Variants in CDIN1 observed in about 807,000 individuals in gnomAD.
CDIN1 encodes the protein CDAN1-interacting nuclease 1.
CDIN1 carries 33 observed loss-of-function variants against 45.3 expected under a neutral mutation model. The observed-to-expected ratio is 0.73, with a 90% CI of 0.55 to 0.97. The LOEUF (loss-of-function observed/expected upper bound fraction) is 0.97. Among genes scored for constraint, CDIN1 ranks in the 50% least tolerant of loss-of-function variants. CDIN1 has a pLI of 0.00. For missense variants in CDIN1, 303 were observed against 339.4 expected (o/e 0.89, Z 0.84); for synonymous variants, 118 against 124.4 (o/e 0.95, Z 0.34).
chr15:36,621,713 A>G (rs574884035), intron 1 of CDIN1, among the ~76,000 whole-genome samples: 1 of 152,342 alleles, frequency 6.6e-6, no homozygotes, highest in Admixed American at 6.5e-5. Context: ...TCAGAGAATA[A>G]ACATTCTGTA....
At chr15:36,584,075 T>C (rs2140158398) in intron 1 of CDIN1, among the ~76,000 whole-genome samples, 1 of 152,208 alleles carries the variant, frequency 6.6e-6, no homozygotes, top group East Asian at 1.9e-4. Context: ...AACATTGAAA[T>C]TAATGTGAGC....
At chr15:36,769,623 A>G (rs534423302) in intron 10 of CDIN1, among the ~76,000 whole-genome samples, 2 of 152,330 alleles carry the variant, frequency 1.3e-5, no homozygotes, top group Admixed American at 1.3e-4. Context: ...AAGTTAATGC[A>G]TAAAATTTAA....
At chr15:36,619,508 TATCTATCTATCC>T (rs1448137911) in intron 1 of CDIN1, among the ~76,000 whole-genome samples, 56 of 151,702 alleles carry the variant, frequency 3.7e-4, no homozygotes, top group Admixed American at 3.0e-3. Context: ...TCTATCTATC[TATCTATCTATCC>T]ATCCATCCAC....
chr15:36,751,851 C>T (rs1237956290), intron 10 of CDIN1, among the ~76,000 whole-genome samples: 1 of 152,112 alleles, frequency 6.6e-6, no homozygotes, highest in Admixed American at 6.6e-5. Context: ...TTCGCAGGGT[C>T]ATGGATGGAG....
intron 10 of CDIN1, chr15:36,746,816 A>C (rs549138464): frequency 4.5e-4 from 118 of 260,048 alleles, no homozygotes; most frequent in African/African-American, 3.2e-3. Flanking sequence ...ACTATGGCTC[A>C]CTGCAGCATT....
At chr15:36,649,705 A>G (rs1374557183) in intron 3 of CDIN1, among the ~76,000 whole-genome samples, 3 of 152,178 alleles carry the variant, frequency 2.0e-5, no homozygotes, top group Non-Finnish European at 4.4e-5. Flanking sequence ...ACTAGTAAAG[A>G]TGATAAGTTT....
intron 1 of CDIN1, among the ~76,000 whole-genome samples, chr15:36,590,365 G>A (rs999816614): frequency 1.2e-4 from 19 of 152,152 alleles, no homozygotes; most frequent in Admixed American, 6.5e-4. Context: ...TATACTTAAA[G>A]CAATAACTTC....
intron 1 of CDIN1, among the ~76,000 whole-genome samples, chr15:36,596,669 G>A (rs1313598695): frequency 6.6e-6 from 1 of 152,008 alleles, no homozygotes; most frequent in Non-Finnish European, 1.5e-5. Flanking sequence ...CAGGCAAAGT[G>A]TGTAGATTCA....
intron 8 of CDIN1, among the ~76,000 whole-genome samples, chr15:36,703,327 T>A (rs2042723851): frequency 8.0e-6 from 1 of 124,528 alleles, no homozygotes; most frequent in South Asian, 2.5e-4. Context: ...TATACATATA[T>A]CAGATAGATC....
chr15:36,609,455 CAACTT>C (rs1484208669), intron 1 of CDIN1, among the ~76,000 whole-genome samples: 1 of 152,068 alleles, frequency 6.6e-6, no homozygotes, highest in African/African-American at 2.4e-5. Context: ...AGGGATCTAT[CAACTT>C]AAAATGAAAA....
At chr15:36,708,412 G>T (rs962805977) in intron 8 of CDIN1, 6 of 150,476 alleles carry the variant, frequency 4.0e-5, no homozygotes, top group Admixed American at 1.3e-4. Flanking sequence ...AAATCACATT[G>T]TACTGCCATT....
At chr15:36,648,128 C>T (rs932159132) in intron 3 of CDIN1, among the ~76,000 whole-genome samples, 45 of 152,112 alleles carry the variant, frequency 3.0e-4, no homozygotes, top group African/African-American at 7.5e-4. Flanking sequence ...CGTGAGCCAC[C>T]GTGCCCGGCT....
chr15:36,583,919 G>T (rs928027590), intron 1 of CDIN1, among the ~76,000 whole-genome samples: 1 of 152,148 alleles, frequency 6.6e-6, no homozygotes, highest in Non-Finnish European at 1.5e-5. Flanking sequence ...AGGAGACTGA[G>T]GCAGGAGAAT....
intron 1 of CDIN1, chr15:36,618,571 A>T: frequency 1.1e-6 from 1 of 901,700 alleles, no homozygotes; most frequent in South Asian, 1.3e-5. Flanking sequence ...AATCCCAGAT[A>T]AACTCATTTT....
At chr15:36,596,512 G>A (rs1027566100) in intron 1 of CDIN1, among the ~76,000 whole-genome samples, 8 of 152,084 alleles carry the variant, frequency 5.3e-5, no homozygotes, top group African/African-American at 1.9e-4. Flanking sequence ...ATTAATTAAG[G>A]TAGTAATTTT....
intron 1 of CDIN1, among the ~76,000 whole-genome samples, chr15:36,644,028 T>TA (rs1314293107): frequency 2.0e-5 from 3 of 152,210 alleles, no homozygotes; most frequent in African/African-American, 4.8e-5. Flanking sequence ...TTCTAAAGTT[T>TA]AAAAAAATCA....
chr15:36,606,024 GT>G (rs567452710), intron 1 of CDIN1, among the ~76,000 whole-genome samples: 14 of 148,304 alleles, frequency 9.4e-5, no homozygotes, highest in East Asian at 7.9e-4. Context: ...AGGACAAGGA[GT>G]TTTTTTTTTG....
At chr15:36,617,819 GAC>G in intron 1 of CDIN1, 1 of 797,468 alleles carries the variant, frequency 1.3e-6, no homozygotes, top group Non-Finnish European at 2.3e-6. Context: ...TTTCCAGTCA[GAC>G]ACAGATACAC....
intron 10 of CDIN1, among the ~76,000 whole-genome samples, chr15:36,737,175 A>C (rs568315974): frequency 6.6e-6 from 1 of 151,738 alleles, no homozygotes; most frequent in South Asian, 2.1e-4. Context: ...CTCAAAAAAA[A>C]AAAAAACAAA....
Sources: allele counts gnomAD v4.1 joint callset (sites outside exome capture counted in the v4.1 genomes callset), GRCh38; gene constraint gnomAD v4.1.1; transcripts MANE v1.5; gene names NCBI Gene and HGNC (gene_info 2026-07-23, HGNC 2026-07-21).